SPAG16: variants seen among roughly 807,000 people sequenced by gnomAD.
The protein encoded by SPAG16 is sperm-associated antigen 16 protein.
Under a neutral mutation model 80.4 loss-of-function variants are expected in SPAG16, and 86 were observed. The observed-to-expected ratio is 1.07, with a 90% confidence interval of 0.90 to 1.28. The LOEUF (loss-of-function observed/expected upper bound fraction) is 1.28, where lower values mean the gene tolerates loss of function less well. SPAG16 is among the 50% of genes most tolerant of loss of function. The pLI is 0.00. For missense variants in SPAG16, 870 were observed against 765.3 expected (o/e 1.14, Z -1.61); for synonymous variants, 294 against 265.9 (o/e 1.11, Z -1.03).
At chr2:214,253,116 G>A (rs1326379585) in intron 15 of SPAG16, among the ~76,000 whole-genome samples, 1 of 143,178 alleles carries the variant, frequency 7.0e-6, no homozygotes, top group South Asian at 2.2e-4. Context: ...AGAAGGATCT[G>A]TTCATATCCT....
At chr2:214,098,507 G>C (rs1299130889) in intron 13 of SPAG16, among the ~76,000 whole-genome samples, 1 of 152,046 alleles carries the variant, frequency 6.6e-6, no homozygotes, top group Non-Finnish European at 1.5e-5. Flanking sequence ...TGAACATATA[G>C]GGGGATGACA....
At chr2:213,905,692 A>G (rs1252445232) in intron 11 of SPAG16, among the ~76,000 whole-genome samples, 3 of 152,208 alleles carry the variant, frequency 2.0e-5, no homozygotes, top group African/African-American at 2.4e-5. Flanking sequence ...TAAGTGCTAT[A>G]TAATTCCTTA....
chr2:214,054,602 G>A (rs7425408), intron 13 of SPAG16, among the ~76,000 whole-genome samples: 3,612 of 152,218 alleles, frequency 0.024, 101 homozygotes, highest in South Asian at 0.13. Flanking sequence ...GAGGCATATA[G>A]TATAATATTT....
At chr2:213,977,460 C>CA (rs777224529) in intron 12 of SPAG16, among the ~76,000 whole-genome samples, 5 of 151,952 alleles carry the variant, frequency 3.3e-5, no homozygotes, top group African/African-American at 7.3e-5. Context: ...AATATCCTGG[C>CA]AGACAACAGA....
intron 10 of SPAG16, among the ~76,000 whole-genome samples, chr2:213,827,030 G>A (rs560377982): frequency 4.0e-5 from 6 of 151,384 alleles, no homozygotes; most frequent in East Asian, 1.9e-4. Flanking sequence ...GGTTTCTGTC[G>A]GCATGGAATA....
intron 15 of SPAG16, among the ~76,000 whole-genome samples, chr2:214,345,462 T>C (rs1697994756): frequency 6.6e-6 from 1 of 152,210 alleles, no homozygotes; most frequent in African/African-American, 2.4e-5. Flanking sequence ...TTTTAATTTC[T>C]TGCCTAAACA....
At chr2:214,055,177 A>G (rs2049873768) in intron 13 of SPAG16, among the ~76,000 whole-genome samples, 1 of 152,150 alleles carries the variant, frequency 6.6e-6, no homozygotes, top group Non-Finnish European at 1.5e-5. Context: ...GATCCAGGAA[A>G]AACTCACCAA....
intron 12 of SPAG16, among the ~76,000 whole-genome samples, chr2:213,969,487 C>T (rs916194361): frequency 2.6e-5 from 4 of 152,136 alleles, no homozygotes; most frequent in Non-Finnish European, 5.9e-5. Context: ...GGAGGCTCCT[C>T]TCGCAGTGGG....
chr2:213,979,518 C>T (rs1402471694), intron 12 of SPAG16, among the ~76,000 whole-genome samples: 1 of 152,030 alleles, frequency 6.6e-6, no homozygotes, highest in East Asian at 1.9e-4. Flanking sequence ...GAAGCAGGAA[C>T]CTTCTTCTCA....
intron 6 of SPAG16, among the ~76,000 whole-genome samples, chr2:213,340,932 A>T (rs556309843): frequency 6.6e-6 from 1 of 152,212 alleles, no homozygotes; most frequent in South Asian, 2.1e-4. Flanking sequence ...TGATATAAAT[A>T]CTCTGTATCT....
At chr2:213,819,530 A>G (rs2072795462) in intron 10 of SPAG16, among the ~76,000 whole-genome samples, 1 of 152,192 alleles carries the variant, frequency 6.6e-6, no homozygotes. Context: ...GTAAAGGAAT[A>G]AATGCACATT....
intron 15 of SPAG16, among the ~76,000 whole-genome samples, chr2:214,347,548 A>C (rs1698134632): frequency 6.6e-6 from 1 of 152,188 alleles, no homozygotes; most frequent in Non-Finnish European, 1.5e-5. Context: ...GTGGCGCCTC[A>C]TAGATCACCT....
At chr2:213,969,016 A>G (rs1263953800) in intron 12 of SPAG16, among the ~76,000 whole-genome samples, 3 of 152,236 alleles carry the variant, frequency 2.0e-5, no homozygotes, top group Non-Finnish European at 4.4e-5. Flanking sequence ...GAGCTAAGCA[A>G]GCATAGAAGA....
intron 15 of SPAG16, among the ~76,000 whole-genome samples, chr2:214,343,672 G>T (rs1697864927): frequency 6.6e-6 from 1 of 152,096 alleles, no homozygotes; most frequent in African/African-American, 2.4e-5. Context: ...TGGGGAAATA[G>T]ATTTAAAAAT....
chr2:213,503,687 T>C (rs10932483), intron 10 of SPAG16, among the ~76,000 whole-genome samples: 42,667 of 152,110 alleles, frequency 0.28, 6,699 homozygotes, highest in Middle Eastern at 0.44. Context: ...TCCTTAAAAA[T>C]AAATCATTAA....
chr2:214,041,571 A>C (rs920444408), intron 13 of SPAG16, among the ~76,000 whole-genome samples: 3 of 151,746 alleles, frequency 2.0e-5, no homozygotes, highest in Non-Finnish European at 1.5e-5. Flanking sequence ...CTAAGTTATT[A>C]GTCTTCCAAT....
chr2:214,135,764 C>T (rs1011575585), intron 14 of SPAG16, among the ~76,000 whole-genome samples: 21 of 151,704 alleles, frequency 1.4e-4, no homozygotes, highest in African/African-American at 5.1e-4. Flanking sequence ...TTGCTTTTCT[C>T]TCTTGCCATG....
intron 13 of SPAG16, among the ~76,000 whole-genome samples, chr2:214,016,810 C>T (rs776914010): frequency 1.1e-4 from 16 of 152,176 alleles, no homozygotes; most frequent in Non-Finnish European, 2.4e-4. Flanking sequence ...ACAATGACTA[C>T]AGTTGACTCT....
chr2:213,908,220 A>G (rs912851139), intron 11 of SPAG16, among the ~76,000 whole-genome samples: 1 of 152,146 alleles, frequency 6.6e-6, no homozygotes, highest in East Asian at 1.9e-4. Context: ...ATGGAGCTCT[A>G]CACAATGCAT....
Sources: allele counts gnomAD v4.1 joint callset (sites outside exome capture counted in the v4.1 genomes callset), GRCh38; gene constraint gnomAD v4.1.1; transcripts MANE v1.5; gene names NCBI Gene and HGNC (gene_info 2026-07-23, HGNC 2026-07-21).